The following CCSER1 variants were observed in gnomAD, a reference collection of about 807,000 sequenced individuals.
The protein encoded by CCSER1 is coiled-coil serine rich protein 1, also known as serine-rich coiled-coil domain-containing protein 1.
Under a neutral mutation model 82.0 loss-of-function variants are expected in CCSER1, and 41 were observed. That is an observed-to-expected ratio of 0.50 (90% CI 0.39 to 0.65). The LOEUF (loss-of-function observed/expected upper bound fraction) is 0.65. Among genes scored for constraint, CCSER1 ranks in the 30% least tolerant of loss-of-function variants. The probability of loss-of-function intolerance (pLI) is 0.00; values close to 1 mark genes in which losing one functional copy is unlikely to be tolerated. For synonymous variants in CCSER1, 414 were observed against 383.9 expected (o/e 1.08, Z -0.92); for missense variants, 1,119 against 1,064.2 (o/e 1.05, Z -0.72).
intron 6 of CCSER1, among the ~76,000 whole-genome samples, chr4:90,706,702 T>G (rs947598139): frequency 5.3e-5 from 8 of 152,188 alleles, no homozygotes; most frequent in African/African-American, 1.9e-4. Context: ...GAACATATGC[T>G]ATACAGCAAA....
chr4:90,878,591 A>G (rs1415337363), intron 8 of CCSER1, among the ~76,000 whole-genome samples: 1 of 152,098 alleles, frequency 6.6e-6, no homozygotes, highest in Non-Finnish European at 1.5e-5. Flanking sequence ...CCATGTTGCT[A>G]TATGTTCTCA....
chr4:90,904,664 AG>A (rs1002485019), intron 8 of CCSER1, among the ~76,000 whole-genome samples: 3 of 152,006 alleles, frequency 2.0e-5, no homozygotes, highest in African/African-American at 7.2e-5. Flanking sequence ...GGGAGCAATA[AG>A]GGGGGGCCTG....
intron 8 of CCSER1, among the ~76,000 whole-genome samples, chr4:90,878,333 C>T (rs2150060218): frequency 6.6e-6 from 1 of 152,226 alleles, no homozygotes; most frequent in South Asian, 2.1e-4. Context: ...TTCTCTCAGT[C>T]TATGTCTTAT....
intron 10 of CCSER1, among the ~76,000 whole-genome samples, chr4:91,110,763 G>T (rs1348485884): frequency 6.6e-6 from 1 of 151,808 alleles, no homozygotes; most frequent in Non-Finnish European, 1.5e-5. Context: ...GTTGAATGTT[G>T]TTTCTTCTTT....
intron 6 of CCSER1, among the ~76,000 whole-genome samples, chr4:90,668,351 C>A (rs1276395905): frequency 1.3e-5 from 2 of 151,922 alleles, no homozygotes; most frequent in Non-Finnish European, 2.9e-5. Flanking sequence ...GGGGAATTAA[C>A]CTTGTACAAT....
intron 10 of CCSER1, among the ~76,000 whole-genome samples, chr4:91,244,215 T>C (rs1171766860): frequency 6.6e-6 from 1 of 152,164 alleles, no homozygotes; most frequent in Non-Finnish European, 1.5e-5. Flanking sequence ...AAGGACTTCG[T>C]ATTGTAGTGT....
At chr4:90,754,347 C>T (rs979130684) in intron 7 of CCSER1, among the ~76,000 whole-genome samples, 3 of 151,780 alleles carry the variant, frequency 2.0e-5, no homozygotes, top group African/African-American at 7.3e-5. Context: ...ACTAATTTAC[C>T]TGAGTGTGTA....
In CCSER1 at chr4:90,726,774, T is replaced by G. The variant is rs141736575; in HGVS notation, c.2010+2783T>G. On this transcript the variant is annotated intron_variant, in intron 7 of 10. Transcript: ENST00000509176. ...CTAGCCTTTCAAAACTGAGGACATTTCACACAAAAATTCATCCAACTTTGT... is the reference window on the plus strand; with the variant it reads ...CTAGCCTTTCAAAACTGAGGACATTGCACACAAAAATTCATCCAACTTTGT... Among the ~76,000 whole-genome samples the G allele has an allele frequency of 2.4e-3, 359 of 152,204 alleles. 1 individual carries two copies. Among genetic ancestry groups the G allele is most frequent in the African/African-American group, 8.3e-3 (346 of 41,568 alleles).
intron 10 of CCSER1, among the ~76,000 whole-genome samples, chr4:91,332,577 A>C (rs1653578960): frequency 6.6e-6 from 1 of 151,890 alleles, no homozygotes; most frequent in Admixed American, 6.6e-5. Context: ...TTCAGATAAA[A>C]AAAAAGGGCC....
chr4:91,217,556 G>A (rs547300989), intron 10 of CCSER1, among the ~76,000 whole-genome samples: 1 of 151,000 alleles, frequency 6.6e-6, no homozygotes, highest in East Asian at 2.0e-4. Flanking sequence ...GCCGATTGGT[G>A]TATTTACAAT....
intron 8 of CCSER1, among the ~76,000 whole-genome samples, chr4:90,914,101 C>G (rs1159828530): frequency 4.6e-5 from 7 of 152,124 alleles, no homozygotes; most frequent in Non-Finnish European, 1.0e-4. Flanking sequence ...AGAAAGTTAA[C>G]AAGTATATCC....
At chr4:91,406,732 C>T (rs998348521) in intron 10 of CCSER1, among the ~76,000 whole-genome samples, 1 of 152,136 alleles carries the variant, frequency 6.6e-6, no homozygotes, top group Non-Finnish European at 1.5e-5. Context: ...GACTGTACAA[C>T]ATGTTGTATA....
intron 8 of CCSER1, among the ~76,000 whole-genome samples, chr4:90,901,360 C>G (rs1009947426): frequency 1.3e-5 from 2 of 151,850 alleles, no homozygotes; most frequent in Admixed American, 1.3e-4. Flanking sequence ...TTTGTAGTCT[C>G]AATTGTATAA....
chr4:90,611,420 C>T (rs1371236847), intron 5 of CCSER1, among the ~76,000 whole-genome samples: 1 of 151,958 alleles, frequency 6.6e-6, no homozygotes. Flanking sequence ...TCCTTTGAAG[C>T]CTTGATATCC....
At chr4:91,171,028 A>G (rs1483620173) in intron 10 of CCSER1, among the ~76,000 whole-genome samples, 2 of 152,172 alleles carry the variant, frequency 1.3e-5, no homozygotes, top group African/African-American at 4.8e-5. Context: ...AAACATGCAC[A>G]TGTTGTAGTC....
chr4:90,516,590 C>T (rs892005318), intron 5 of CCSER1, among the ~76,000 whole-genome samples: 2 of 152,172 alleles, frequency 1.3e-5, no homozygotes, highest in Admixed American at 6.5e-5. Flanking sequence ...CCTGACCCTG[C>T]TTTACCTTCT....
chr4:91,583,722 A>G (rs1763848220), intron 10 of CCSER1, among the ~76,000 whole-genome samples: 1 of 151,518 alleles, frequency 6.6e-6, no homozygotes, highest in Non-Finnish European at 1.5e-5. Flanking sequence ...GCATGTTTTT[A>G]TATAAGAACT....
chr4:90,723,446 G>T (rs939954892), intron 6 of CCSER1, among the ~76,000 whole-genome samples: 1 of 151,682 alleles, frequency 6.6e-6, no homozygotes, highest in Non-Finnish European at 1.5e-5. Flanking sequence ...GTTTGTAATT[G>T]TATATTATGG....
At chr4:90,161,132 A>G (rs897624647) in intron 1 of CCSER1, among the ~76,000 whole-genome samples, 1 of 152,204 alleles carries the variant, frequency 6.6e-6, no homozygotes, top group Non-Finnish European at 1.5e-5. Context: ...GACTTACTGT[A>G]TGTAAACTTG....
Sources: gnomAD v4.1 joint callset for allele counts (sites outside exome capture counted in the v4.1 genomes callset) on GRCh38, gnomAD v4.1.1 for gene constraint, MANE v1.5 for transcripts, NCBI Gene and HGNC (gene_info 2026-07-23, HGNC 2026-07-21) for gene names.